The following LRRC2 variants were observed in gnomAD, a reference collection of about 807,000 sequenced individuals.
LRRC2 encodes the protein leucine rich repeat containing 2, also known as leucine-rich repeat-containing protein 2.
A neutral mutation model predicts 40.2 loss-of-function variants in LRRC2; 27 were observed. The observed-to-expected ratio is 0.67, with a 90% CI of 0.49 to 0.93. LRRC2 has a LOEUF of 0.93. LRRC2 is among the 40% of genes least tolerant of loss of function. The pLI is 0.00. For missense variants in LRRC2, 402 were observed against 439.6 expected (o/e 0.91, Z 0.76); for synonymous variants, 147 against 158.9 (o/e 0.92, Z 0.56).
chr3:46,543,652 ATAAT>A (rs201537513), intron 3 of LRRC2, among the ~76,000 whole-genome samples: 23,892 of 137,294 alleles, frequency 0.17, 2,303 homozygotes, highest in Middle Eastern at 0.28. Flanking sequence ...ATAATAATAA[ATAAT>A]AAATACCCTT....
intron 2 of LRRC2, among the ~76,000 whole-genome samples, chr3:46,549,381 G>A (rs1276575572): frequency 6.6e-6 from 1 of 152,070 alleles, no homozygotes; most frequent in Non-Finnish European, 1.5e-5. Context: ...TGTAAAGAAG[G>A]CAAATTTACT....
intron 3 of LRRC2, among the ~76,000 whole-genome samples, chr3:46,541,480 C>T (rs1704390843): frequency 6.6e-6 from 1 of 152,058 alleles, no homozygotes; most frequent in African/African-American, 2.4e-5. Flanking sequence ...AGTACAGGAA[C>T]TTTTTAGGTG....
chr3:46,539,424 A>G (rs1199581534), intron 3 of LRRC2, among the ~76,000 whole-genome samples: 1 of 152,208 alleles, frequency 6.6e-6, no homozygotes, highest in Non-Finnish European at 1.5e-5. Flanking sequence ...CCGTGAATTC[A>G]TGATGTTATT....
chr3:46,558,523 C>G (rs1321508426), intron 1 of LRRC2: 1 of 152,262 alleles, frequency 6.6e-6, no homozygotes, highest in Non-Finnish European at 1.5e-5. Flanking sequence ...ATTCCAGTGT[C>G]CAGGTCTAAC....
At chr3:46,541,098 C>A (rs1704376676) in intron 3 of LRRC2, among the ~76,000 whole-genome samples, 1 of 152,146 alleles carries the variant, frequency 6.6e-6, no homozygotes, top group African/African-American at 2.4e-5. Flanking sequence ...CTTTGGGAGG[C>A]CGAGGCGGGC....
At chr3:46,548,591 T>C (rs977928642) in intron 2 of LRRC2, among the ~76,000 whole-genome samples, 4 of 152,200 alleles carry the variant, frequency 2.6e-5, no homozygotes. Flanking sequence ...AATCAATAAA[T>C]GTGTAAATAA....
intron 1 of LRRC2, among the ~76,000 whole-genome samples, chr3:46,554,479 A>G (rs1350417039): frequency 1.3e-5 from 2 of 152,022 alleles, no homozygotes; most frequent in African/African-American, 4.8e-5. Context: ...CCCCATCTCT[A>G]CTAAAAATTA....
Position 46,545,030 on chromosome 3 carries a change from A to G in LRRC2, c.333+16T>C. ...CGACCACAGCACTGCATTGGGCGAG[A>G]ACTGCCTCGACTCACCGTCCAGTGC... On this transcript the variant is annotated intron_variant, in intron 3 of 8. Transcript: ENST00000395905. 6.2e-7 allele frequency: 1 copy of G among 1,610,178 alleles called. No individual in the cohort carries two copies. The highest frequency in any genetic ancestry group is 8.5e-7 in the Non-Finnish European group (1 of 1,178,102).
chr3:46,564,166 G>A (rs1705009295), intron 1 of LRRC2, among the ~76,000 whole-genome samples: 1 of 151,996 alleles, frequency 6.6e-6, no homozygotes, highest in Non-Finnish European at 1.5e-5. Context: ...CCCTGTAGAA[G>A]CCAAAAGAGA....
In LRRC2 at chr3:46,551,496, C is replaced by T. The variant is rs778979128; in HGVS notation, c.96G>A (p.Val32=). ...KKHKAWQKKE[V]ERLEKSALEK... ...CCAAGGCGCTCTTCTCAAGCCTTTC[C>T]ACCTCCTTCTTCTGCCAAGCTTTGT... Residue 32 remains valine (V), a synonymous_variant, in exon 2 of 9, where the codon GTG becomes GTA. Coordinates refer to ENST00000395905, the MANE Select transcript of LRRC2 (RefSeq NM_024512.5). 1.4e-5 allele frequency: 22 copies of T among 1,613,884 alleles called. No individual in the cohort carries two copies. Among genetic ancestry groups the T allele is most frequent in the South Asian group, 3.3e-5 (3 of 91,002 alleles).
At chr3:46,546,254 A>G (rs1380816973) in intron 2 of LRRC2, among the ~76,000 whole-genome samples, 1 of 152,270 alleles carries the variant, frequency 6.6e-6, no homozygotes, top group Non-Finnish European at 1.5e-5. Context: ...CAATCCTAGT[A>G]TGGAAACTCT....
In LRRC2 at chr3:46,545,071, AAC is replaced by A; in HGVS notation, c.306_307del (p.Phe103Ter). The A allele has an allele frequency of 6.2e-7, 1 of 1,613,046 alleles. No homozygotes were observed. Among genetic ancestry groups the A allele is most frequent in the Non-Finnish European group, 8.5e-7 (1 of 1,179,910 alleles). ...CGTCCAGTGCTCCCCAGAAAGTTCAAACACAAACGCACTGCTCCGTTTGCCTC... is the reference window on the plus strand; with the variant it reads ...CGTCCAGTGCTCCCCAGAAAGTTCAAACAAACGCACTGCTCCGTTTGCCTC... On this transcript the variant is annotated frameshift_variant, in exon 3 of 9. Transcript: ENST00000395905. LOFTEE classifies it high-confidence loss of function.
intron 3 of LRRC2, among the ~76,000 whole-genome samples, chr3:46,540,140 T>C (rs1704354661): frequency 1.3e-5 from 2 of 152,204 alleles, no homozygotes; most frequent in Admixed American, 1.3e-4. Flanking sequence ...GTAATGTGCT[T>C]TACAACCATT....
intron 8 of LRRC2, 91 bp from the exon 9 acceptor site, chr3:46,519,154 C>G: frequency 1.3e-5 from 11 of 836,168 alleles, no homozygotes; most frequent in Non-Finnish European, 2.1e-5. Context: ...GAATGTATGT[C>G]AATACACCCA....
At chr3:46,555,786 T>G (rs1704778673) in intron 1 of LRRC2, among the ~76,000 whole-genome samples, 1 of 152,210 alleles carries the variant, frequency 6.6e-6, no homozygotes, top group Non-Finnish European at 1.5e-5. Flanking sequence ...ATTTATATGT[T>G]CCTGTTCCTT....
intron 1 of LRRC2, among the ~76,000 whole-genome samples, chr3:46,554,431 G>A (rs1017838303): frequency 7.9e-5 from 12 of 152,214 alleles, no homozygotes; most frequent in African/African-American, 2.6e-4. Context: ...AGATCATGAG[G>A]TCAGGAATTC....
chr3:46,533,738 CTTCCTTCCTTCT>C (rs1200830601), intron 4 of LRRC2, among the ~76,000 whole-genome samples: 12 of 110,606 alleles, frequency 1.1e-4, no homozygotes, highest in African/African-American at 2.5e-4. Flanking sequence ...TCCTTCCTTC[CTTCCTTCCTTCT>C]TCCTTCCCTC....
At chr3:46,553,997 T>C (rs563240321) in intron 1 of LRRC2, among the ~76,000 whole-genome samples, 5 of 150,476 alleles carry the variant, frequency 3.3e-5, no homozygotes, top group Admixed American at 1.3e-4. Context: ...TGTTGTTGTT[T>C]CATTGGTTGT....
chr3:46,525,202 C>T (rs1237223916), intron 7 of LRRC2, among the ~76,000 whole-genome samples: 1 of 151,400 alleles, frequency 6.6e-6, no homozygotes, highest in Non-Finnish European at 1.5e-5. Flanking sequence ...GACCCTTGCA[C>T]CTCAGCCACC....
Sources: gnomAD v4.1 joint callset for allele counts (sites outside exome capture counted in the v4.1 genomes callset) on GRCh38, gnomAD v4.1.1 for gene constraint, MANE v1.5 for transcripts, NCBI Gene and HGNC (gene_info 2026-07-23, HGNC 2026-07-21) for gene names.